The following DSTN variants were observed in gnomAD, a reference collection of about 807,000 sequenced individuals.
DSTN encodes the protein destrin, actin depolymerizing factor, also known as destrin.
DSTN carries 10 observed loss-of-function variants against 16.8 expected under a neutral mutation model. The ratio of observed to expected loss-of-function variants is 0.60; its 90% confidence interval spans 0.37 to 1.01. DSTN has a LOEUF of 1.01. Among genes scored for constraint, DSTN ranks in the 50% least tolerant of loss-of-function variants. The pLI is 0.01. For missense variants in DSTN, 141 were observed against 196.7 expected (o/e 0.72, Z 1.69); for synonymous variants, 57 against 58.9 (o/e 0.97, Z 0.14).
At chr20:17,581,926 T>C (rs978159713) in intron 1 of DSTN, among the ~76,000 whole-genome samples, 1 of 152,192 alleles carries the variant, frequency 6.6e-6, no homozygotes, top group Non-Finnish European at 1.5e-5. Context: ...AGTATTAACA[T>C]TTGGGACATT....
rs1010426499 is a variant in DSTN, at chr20:17,592,828, A to G, written c.4-7910A>G. On this transcript the variant is annotated intron_variant, in intron 1 of 3. Coordinates refer to ENST00000246069, the MANE Select transcript of DSTN (RefSeq NM_006870.4). ...TTGTCAACTACAATTGATTGCACCT[A>G]TGCAGTTCCCATCACTTCCTCCTTA... is the stretch of plus-strand genomic sequence containing the variant. Among the ~76,000 whole-genome samples, 7 of 152,190 alleles carry G rather than the reference A, an allele frequency of 4.6e-5. No homozygotes were observed. In the East Asian group the frequency reaches 5.8e-4, roughly 13 times the overall value.
intron 1 of DSTN, among the ~76,000 whole-genome samples, chr20:17,572,638 A>G (rs2035220267): frequency 1.3e-5 from 2 of 152,206 alleles, no homozygotes; most frequent in African/African-American, 4.8e-5. Context: ...CAAGTATTCT[A>G]ATACTTGGTG....
At chr20:17,591,928 C>G (rs1429511829) in intron 1 of DSTN, 1 of 985,290 alleles carries the variant, frequency 1.0e-6, no homozygotes, top group South Asian at 4.7e-5. Context: ...AATCTTTACC[C>G]CAGATTTTCA....
chr20:17,571,125 T>G (rs1193172472), intron 1 of DSTN, among the ~76,000 whole-genome samples: 1 of 152,244 alleles, frequency 6.6e-6, no homozygotes, highest in Non-Finnish European at 1.5e-5. Context: ...CCCTTTACAC[T>G]GTCACTCTAA....
In DSTN at chr20:17,609,832, ATGTT is replaced by A. The variant is rs2035680511; in HGVS notation, c.*2690_*2693del. 1 of 133,888 alleles carries A rather than the reference ATGTT, an allele frequency of 7.5e-6. No homozygotes were observed. Among genetic ancestry groups the A allele is most frequent in the African/African-American group, 2.4e-5 (1 of 41,226 alleles). The allele number at this position is 133,888 out of a possible 1,614,324, so 8.3% of individuals were successfully genotyped here. Reference sequence around the variant, plus strand: ...ACAAATGCTAACACACTGCAAAAATATGTTTGTGGAAAGCTGACTTAGTCTCATC... The same window carrying A: ...ACAAATGCTAACACACTGCAAAAATATGTGGAAAGCTGACTTAGTCTCATC... On this transcript the variant is annotated 3_prime_UTR_variant, in exon 4 of 4. Coordinates refer to ENST00000246069, the MANE Select transcript of DSTN (RefSeq NM_006870.4).
At chr20:17,581,122 CGA>C (rs1568731695) in intron 1 of DSTN, among the ~76,000 whole-genome samples, 2 of 151,942 alleles carry the variant, frequency 1.3e-5, no homozygotes, top group African/African-American at 4.8e-5. Context: ...TGTAGTGGAG[CGA>C]GATATGATTT....
chr20:17,592,257 C>A (rs538051090), intron 1 of DSTN, among the ~76,000 whole-genome samples: 7 of 151,856 alleles, frequency 4.6e-5, no homozygotes, highest in African/African-American at 1.7e-4. Context: ...AAAACCCCAT[C>A]TTTATAAAAA....
chr20:17,571,025 C>G (rs1041988191), intron 1 of DSTN, among the ~76,000 whole-genome samples: 1 of 152,158 alleles, frequency 6.6e-6, no homozygotes, highest in Non-Finnish European at 1.5e-5. Flanking sequence ...GCTTTAAAAA[C>G]CATTAAAATA....
chr20:17,606,019 G>T (rs2035638997), intron 3 of DSTN, among the ~76,000 whole-genome samples: 1 of 151,876 alleles, frequency 6.6e-6, no homozygotes, highest in South Asian at 2.1e-4. Context: ...GAAGCAGGAA[G>T]AATGCTTGAA....
intron 1 of DSTN, among the ~76,000 whole-genome samples, chr20:17,587,208 A>T (rs1442512308): frequency 6.6e-6 from 1 of 152,056 alleles, no homozygotes; most frequent in Non-Finnish European, 1.5e-5. Context: ...GGAATAAAAA[A>T]AAAAAAAAAA....
chr20:17,590,967 G>A (rs988439149), intron 1 of DSTN, among the ~76,000 whole-genome samples: 3 of 152,092 alleles, frequency 2.0e-5, no homozygotes, highest in African/African-American at 7.2e-5. Context: ...AATTAGCCAG[G>A]TGTGGTGGTG....
intron 1 of DSTN, among the ~76,000 whole-genome samples, chr20:17,589,905 G>T (rs1219700445): frequency 6.6e-6 from 1 of 152,152 alleles, no homozygotes; most frequent in Non-Finnish European, 1.5e-5. Flanking sequence ...ATAATTTTCT[G>T]AGGTAGTTAA....
At position 17,578,139 on chromosome 20, in the gene DSTN, G is replaced by A. The variant is rs188026541; in HGVS notation, c.3+7928G>A. Among the ~76,000 whole-genome samples, 243 of 152,304 alleles carry A rather than the reference G, an allele frequency of 1.6e-3. 2 individuals carry two copies. The highest frequency in any genetic ancestry group is 0.014 in the Middle Eastern group (4 of 294). On this transcript the variant is annotated intron_variant, in intron 1 of 3. Coordinates refer to ENST00000246069, the MANE Select transcript of DSTN (RefSeq NM_006870.4). ...GCATTTCTGCACATGTCCAAGAAACGATGCTGAGATAGCATATGAATTTCT... is the reference window on the plus strand; with the variant it reads ...GCATTTCTGCACATGTCCAAGAAACAATGCTGAGATAGCATATGAATTTCT...
intron 1 of DSTN, among the ~76,000 whole-genome samples, chr20:17,592,549 G>A (rs1180111038): frequency 6.6e-6 from 1 of 151,776 alleles, no homozygotes; most frequent in Non-Finnish European, 1.5e-5. Context: ...ATAAATTTAA[G>A]TATATTCATT....
In DSTN at chr20:17,587,240, A is replaced by G. The variant is rs752642663; in HGVS notation, c.4-13498A>G. On this transcript the variant is annotated intron_variant, in intron 1 of 3. Transcript: ENST00000246069. ...AAAAAATTCTTGTTATGGCATCTGTAAGAATTAAGGTCTTTGCTTAAAGTC... is the reference window on the plus strand; with the variant it reads ...AAAAAATTCTTGTTATGGCATCTGTGAGAATTAAGGTCTTTGCTTAAAGTC... 4.6e-5 allele frequency among the ~76,000 whole-genome samples: 7 copies of G among 151,204 alleles called. No homozygotes were observed. In the South Asian group the frequency reaches 6.3e-4, roughly 14 times the overall value.
intron 1 of DSTN, chr20:17,592,119 T>C (rs1600707500): frequency 1.0e-6 from 1 of 985,000 alleles, no homozygotes; most frequent in Non-Finnish European, 1.2e-6. Context: ...TGTATAAAAA[T>C]CATTATCAAG....
At position 17,609,373 on chromosome 20, in the gene DSTN, A is replaced by AT. The variant is rs1331252371; in HGVS notation, c.*2229dup. On this transcript the variant is annotated 3_prime_UTR_variant, in exon 4 of 4. Coordinates refer to ENST00000246069, the MANE Select transcript of DSTN (RefSeq NM_006870.4). The stretch of plus-strand genomic sequence containing the variant: ...TGTGAGCCACTGTGTCCTGCTAGTG[A>AT]TTGTGATTAACAGGCCTCCAGGGAA... The AT allele has an allele frequency of 6.6e-6, 1 of 152,116 alleles. No individual in the cohort carries two copies. The highest frequency in any genetic ancestry group is 1.5e-5 in the Non-Finnish European group (1 of 68,044). The allele number at this position is 152,116 out of a possible 1,614,324, so 9.4% of individuals were successfully genotyped here.
chr20:17,571,036 C>G (rs2035199827), intron 1 of DSTN, among the ~76,000 whole-genome samples: 1 of 152,206 alleles, frequency 6.6e-6, no homozygotes, highest in African/African-American at 2.4e-5. Context: ...CATTAAAATA[C>G]TGGAGTCACC....
intron 1 of DSTN, among the ~76,000 whole-genome samples, chr20:17,584,047 CTT>C (rs1486738582): frequency 6.6e-6 from 1 of 152,078 alleles, no homozygotes; most frequent in African/African-American, 2.4e-5. Context: ...CCCAGGGTTT[CTT>C]TTTGTGGTGT....
Sources: gnomAD v4.1 joint callset for allele counts (sites outside exome capture counted in the v4.1 genomes callset) on GRCh38, gnomAD v4.1.1 for gene constraint, MANE v1.5 for transcripts, NCBI Gene and HGNC (gene_info 2026-07-23, HGNC 2026-07-21) for gene names.